Variants in GLYR1 observed in about 807,000 individuals in gnomAD.
The protein encoded by GLYR1 is cytokine-like nuclear factor N-PAC.
Under a neutral mutation model 72.7 loss-of-function variants are expected in GLYR1, and 21 were observed. That is an observed-to-expected ratio of 0.29 (90% CI 0.20 to 0.42). GLYR1 has a LOEUF of 0.42. Ranked by LOEUF, GLYR1 falls within the 10% of genes least tolerant of loss-of-function variation. GLYR1 has a pLI of 1.00. For missense variants in GLYR1, 594 were observed against 712.1 expected (o/e 0.83, Z 1.89); for synonymous variants, 392 against 270.2 (o/e 1.45, Z -4.42).
chr16:4,838,366 A>G (rs2085300995), intron 3 of GLYR1, among the ~76,000 whole-genome samples: 1 of 152,118 alleles, frequency 6.6e-6, no homozygotes, highest in Non-Finnish European at 1.5e-5. Context: ...TCATCTGTGA[A>G]AAAATAAGAA....
intron 3 of GLYR1, among the ~76,000 whole-genome samples, chr16:4,844,078 C>T (rs1186240859): frequency 6.9e-6 from 1 of 144,948 alleles, no homozygotes; most frequent in Non-Finnish European, 1.5e-5. Flanking sequence ...CATGCCACTG[C>T]ACTCCAGCCT....
intron 1 of GLYR1, chr16:4,846,569 C>T (rs1189084845): frequency 7.0e-6 from 2 of 287,670 alleles, no homozygotes; most frequent in Non-Finnish European, 1.4e-5. Context: ...TTGACAAATG[C>T]TAATGGAAGC....
Position 4,811,312 on chromosome 16 carries a change from G to C in GLYR1, c.1463-18C>G, listed in dbSNP as rs943683751. On this transcript the variant is annotated intron_variant, in intron 14 of 15. Coordinates refer to ENST00000321919, the MANE Select transcript of GLYR1 (RefSeq NM_032569.4). ...CAGGATATCTGAGGAGAAAAAGCCA[G>C]TATCAGACAAAAGCCAAGGACCTGA... The C allele has an allele frequency of 1.2e-6, 2 of 1,612,710 alleles. No homozygotes were observed. Among genetic ancestry groups the C allele is most frequent in the African/African-American group, 2.7e-5 (2 of 74,796 alleles).
At chr16:4,808,723 G>A (rs547533503) in intron 15 of GLYR1, among the ~76,000 whole-genome samples, 4 of 151,900 alleles carry the variant, frequency 2.6e-5, no homozygotes, top group African/African-American at 7.2e-5. Context: ...AAAGACAAAT[G>A]TTTTTCAGTT....
chr16:4,834,295 CTTT>C (rs778256795), intron 3 of GLYR1, among the ~76,000 whole-genome samples: 5 of 118,338 alleles, frequency 4.2e-5, no homozygotes, highest in Admixed American at 8.5e-5. Flanking sequence ...AGGCAAATTC[CTTT>C]TTTTTTTTTT....
At chr16:4,816,016 G>C (rs998270051) in intron 10 of GLYR1, among the ~76,000 whole-genome samples, 1 of 152,164 alleles carries the variant, frequency 6.6e-6, no homozygotes, top group Admixed American at 6.5e-5. Context: ...TTATCCCCCA[G>C]TCTCTGCCTT....
intron 15 of GLYR1, among the ~76,000 whole-genome samples, chr16:4,806,217 T>C (rs2082956690): frequency 6.6e-6 from 1 of 152,100 alleles, no homozygotes; most frequent in South Asian, 2.1e-4. Flanking sequence ...AGTGCTTGGA[T>C]AGCCCCCCCA....
At chr16:4,825,724 TC>T (rs2084339629) in intron 5 of GLYR1, among the ~76,000 whole-genome samples, 1 of 152,038 alleles carries the variant, frequency 6.6e-6, no homozygotes, top group African/African-American at 2.4e-5. Flanking sequence ...CAATCTTGGC[TC>T]ACTGCAACCT....
intron 9 of GLYR1, among the ~76,000 whole-genome samples, chr16:4,818,605 A>G (rs561022366): frequency 6.6e-6 from 1 of 152,272 alleles, no homozygotes; most frequent in Non-Finnish European, 1.5e-5. Context: ...TTAAAGCCCA[A>G]CAGAATCCAC....
At chr16:4,840,932 G>A (rs2085502740) in intron 3 of GLYR1, among the ~76,000 whole-genome samples, 3 of 152,204 alleles carry the variant, frequency 2.0e-5, no homozygotes, top group Admixed American at 2.0e-4. Context: ...TCCTTCTTTA[G>A]AGAAGTACTG....
rs571356900 is a variant in GLYR1, at chr16:4,830,029, C to T, written c.537+1950G>A. The stretch of plus-strand genomic sequence containing the variant: ...ATGTTGCCCAGGCTGGTCTAGAACT[C>T]CTGGGCTCAGGGGATCCTCCTGCAC... On this transcript the variant is annotated intron_variant, in intron 5 of 15. Transcript: ENST00000321919. 5.9e-5 allele frequency among the ~76,000 whole-genome samples: 9 copies of T among 152,126 alleles called. No individual in the cohort carries two copies. The East Asian group carries it at 1.8e-3, about 30-fold the overall frequency.
chr16:4,809,865 G>A (rs1367378440), intron 15 of GLYR1, among the ~76,000 whole-genome samples: 2 of 150,214 alleles, frequency 1.3e-5, no homozygotes, highest in Non-Finnish European at 3.0e-5. Context: ...CAGAGGTTGC[G>A]GTGAGCCGAG....
chr16:4,812,553 A>G (rs1284322348), intron 12 of GLYR1, among the ~76,000 whole-genome samples: 1 of 144,234 alleles, frequency 6.9e-6, no homozygotes. Flanking sequence ...AGTGCAGTGG[A>G]GCGATCTCGG....
intron 11 of GLYR1, 40 bp from the exon 12 acceptor site, chr16:4,813,878 G>A (rs112226185): frequency 5.7e-5 from 87 of 1,520,346 alleles, no homozygotes; most frequent in African/African-American, 1.5e-4. Context: ...CCAGGCTCCC[G>A]GGCAGATGCT....
At chr16:4,831,225 G>C (rs547811500) in intron 5 of GLYR1, among the ~76,000 whole-genome samples, 4 of 152,120 alleles carry the variant, frequency 2.6e-5, no homozygotes, top group East Asian at 3.9e-4. Context: ...TGCAACATTT[G>C]CAATTACCCC....
Position 4,821,547 on chromosome 16 carries a change from C to G in GLYR1, c.732G>C (p.Glu244Asp). The G allele has an allele frequency of 6.2e-7, 1 of 1,614,074 alleles. No individual in the cohort carries two copies. The highest frequency in any genetic ancestry group is 8.5e-7 in the Non-Finnish European group (1 of 1,180,010). Residue 244 changes from glutamate (E) to aspartate (D), a missense_variant and splice_region_variant, in exon 8 of 16, where the codon GAG (glutamate) becomes GAC (aspartate). Around this residue, in one of 5 missense-constraint regions of GLYR1, gnomAD observed 252 missense variants for 211.3 expected, o/e 1.19. Coordinates refer to ENST00000321919, the MANE Select transcript of GLYR1 (RefSeq NM_032569.4). ...ATGGGGAGGCATGGAGCCTACATAC[C>G]TCTTCACATATTTTCAACTTCTTCG... ...AITKKLKICEEETGSTSIQAA... is the reference protein window; with the variant it reads ...AITKKLKICEDETGSTSIQAA...
In GLYR1 at chr16:4,845,059, G is replaced by T. The variant is rs766390078; in HGVS notation, c.155+15C>A. 2.5e-6 allele frequency: 4 copies of T among 1,579,942 alleles called. No individual in the cohort carries two copies. The African/African-American group carries it at 4.0e-5, about 16-fold the overall frequency. Reference sequence around the variant, plus strand: ...AAAGAAAGGCGAAGGGAGACTCCTGGTGAGTACTACTCACTGATCTTCTGT... The same window carrying T: ...AAAGAAAGGCGAAGGGAGACTCCTGTTGAGTACTACTCACTGATCTTCTGT... On this transcript the variant is annotated intron_variant, in intron 3 of 15. Transcript: ENST00000321919.
intron 5 of GLYR1, among the ~76,000 whole-genome samples, chr16:4,825,788 A>T (rs973707871): frequency 2.0e-5 from 3 of 151,892 alleles, no homozygotes; most frequent in Non-Finnish European, 2.9e-5. Context: ...AGTAGCTGGG[A>T]CCACAGGCGC....
At chr16:4,841,975 C>T (rs1844998412) in intron 3 of GLYR1, among the ~76,000 whole-genome samples, 1 of 152,336 alleles carries the variant, frequency 6.6e-6, no homozygotes, top group Non-Finnish European at 1.5e-5. Flanking sequence ...AGTGCGATGG[C>T]TCACGCCTGT....
Sources: gnomAD v4.1 joint callset for allele counts (sites outside exome capture counted in the v4.1 genomes callset) on GRCh38, gnomAD v4.1.1 for gene constraint, gnomAD v4.1.1 regional missense constraint, MANE v1.5 for transcripts, NCBI Gene and HGNC (gene_info 2026-07-23, HGNC 2026-07-21) for gene names.